Variants in LMAN2L observed in about 807,000 individuals in gnomAD.
LMAN2L encodes the protein VIP36-like protein.
LMAN2L carries 30 observed loss-of-function variants against 44.3 expected under a neutral mutation model. The ratio of observed to expected loss-of-function variants is 0.68; its 90% CI spans 0.51 to 0.92. The LOEUF is 0.92. Among genes scored for constraint, LMAN2L ranks in the 40% least tolerant of loss-of-function variants. The pLI is 0.00. For missense variants in LMAN2L, 429 were observed against 446.1 expected, an observed-to-expected ratio of 0.96 and a Z score of 0.35; for synonymous variants, 183 against 171.1, an observed-to-expected ratio of 1.07 and a Z score of -0.54.
chr2:96,735,464 G>GGGGCCTGAAA (rs756999897), intron 2 of LMAN2L, among the ~76,000 whole-genome samples: 7 of 152,318 alleles, frequency 4.6e-5, no homozygotes, highest in Non-Finnish European at 5.9e-5. Flanking sequence ...CATTGAGCAA[G>GGGGCCTGAAA]GGGCCTGAAA....
chr2:96,733,449 G>T (rs1433748126), intron 4 of LMAN2L, 70 bp downstream of exon 4: 46 of 1,170,518 alleles, frequency 3.9e-5, no homozygotes, highest in Non-Finnish European at 5.1e-5. Context: ...GTTCCCTCCT[G>T]TACAACATTC....
chr2:96,738,211 C>T, intron 1 of LMAN2L, 144 bp from the exon 2 acceptor site: 1 of 625,912 alleles, frequency 1.6e-6, no homozygotes, highest in East Asian at 2.8e-5. Context: ...AGTCATGAAT[C>T]TTACCATCTC....
chr2:96,729,614 T>G (rs2078350518), intron 4 of LMAN2L, among the ~76,000 whole-genome samples: 1 of 151,966 alleles, frequency 6.6e-6, no homozygotes, highest in South Asian at 2.1e-4. Flanking sequence ...GTTCAAGTGA[T>G]TCTCCTGCCT....
At chr2:96,708,798 T>C (rs2077844465) in intron 6 of LMAN2L, among the ~76,000 whole-genome samples, 1 of 152,082 alleles carries the variant, frequency 6.6e-6, no homozygotes, top group African/African-American at 2.4e-5. Context: ...TCCCTAATAA[T>C]TACCAGAGAG....
At chr2:96,715,876 A>G (rs914268712) in intron 4 of LMAN2L, among the ~76,000 whole-genome samples, 1 of 152,196 alleles carries the variant, frequency 6.6e-6, no homozygotes, top group African/African-American at 2.4e-5. Flanking sequence ...GGTGGATTAC[A>G]TCACCTCTTT....
chr2:96,726,997 T>C (rs1038265387), intron 4 of LMAN2L, among the ~76,000 whole-genome samples: 3 of 151,712 alleles, frequency 2.0e-5, no homozygotes, highest in Admixed American at 1.3e-4. Flanking sequence ...GGCAGGAGAA[T>C]TGCTTGAACC....
intron 4 of LMAN2L, among the ~76,000 whole-genome samples, chr2:96,723,967 C>T (rs1393986151): frequency 1.3e-5 from 2 of 151,456 alleles, no homozygotes; most frequent in African/African-American, 2.4e-5. Context: ...GGCGTGGTGG[C>T]AGGCACCTGT....
intron 4 of LMAN2L, among the ~76,000 whole-genome samples, chr2:96,716,315 G>A (rs928281200): frequency 6.6e-6 from 1 of 151,778 alleles, no homozygotes; most frequent in Non-Finnish European, 1.5e-5. Context: ...TGAAACAACT[G>A]AATACATTTA....
intron 4 of LMAN2L, among the ~76,000 whole-genome samples, chr2:96,716,558 C>T (rs901836210): frequency 3.9e-5 from 6 of 152,190 alleles, no homozygotes; most frequent in African/African-American, 1.4e-4. Context: ...TGCAAAATGT[C>T]CCTTAGGAAT....
At chr2:96,713,495 C>T (rs2077973081) in intron 4 of LMAN2L, among the ~76,000 whole-genome samples, 1 of 152,186 alleles carries the variant, frequency 6.6e-6, no homozygotes, top group Non-Finnish European at 1.5e-5. Flanking sequence ...TGTCCAGGCA[C>T]GCCGCACTTA....
chr2:96,735,255 T>C (rs1420930292), intron 2 of LMAN2L, among the ~76,000 whole-genome samples: 1 of 152,190 alleles, frequency 6.6e-6, no homozygotes, highest in African/African-American at 2.4e-5. Flanking sequence ...AAGCTTCTGG[T>C]TAAAAGTCTA....
In LMAN2L at chr2:96,731,548, A is replaced by C. The variant is rs183794661; in HGVS notation, c.507+1971T>G. On this transcript the variant is annotated intron_variant, in intron 4 of 7. Coordinates refer to ENST00000264963, the MANE Select transcript of LMAN2L (RefSeq NM_030805.4). ...ATAATCCCAGCTACTCAGGAGGCTG[A>C]GGCAGGAGAATGGCTTGAACCCAGG... 2.0e-5 allele frequency among the ~76,000 whole-genome samples: 3 copies of C among 152,218 alleles called. No individual in the cohort carries two copies. The East Asian group carries it at 5.8e-4, about 30-fold the overall frequency.
intron 4 of LMAN2L, among the ~76,000 whole-genome samples, chr2:96,713,434 G>C (rs769407877): frequency 6.6e-6 from 1 of 152,176 alleles, no homozygotes; most frequent in East Asian, 1.9e-4. Flanking sequence ...CTAACCCATA[G>C]AGGGTCCTGA....
rs1487963311 is a variant in LMAN2L at position 96,711,287 on chromosome 2, C to T, written c.784+369G>A. Among the ~76,000 whole-genome samples, 5 of 152,036 alleles carry T rather than the reference C, an allele frequency of 3.3e-5. No individual in the cohort carries two copies. In the South Asian group the frequency reaches 6.2e-4, roughly 19 times the overall value. On this transcript the variant is annotated intron_variant, in intron 6 of 7. Transcript: ENST00000264963. ...GGAGAGTCTGGGGTCAGAAGAGGGACGGCAAAGTCAAGGAAAAGCTTTGTT... is the reference window on the plus strand; with the variant it reads ...GGAGAGTCTGGGGTCAGAAGAGGGATGGCAAAGTCAAGGAAAAGCTTTGTT...
chr2:96,725,893 G>C (rs1479549540), intron 4 of LMAN2L, among the ~76,000 whole-genome samples: 1 of 151,860 alleles, frequency 6.6e-6, no homozygotes, highest in Non-Finnish European at 1.5e-5. Flanking sequence ...CCAGCACTTT[G>C]GGAGGCCGAG....
At chr2:96,722,172 G>A (rs983705269) in intron 4 of LMAN2L, among the ~76,000 whole-genome samples, 4 of 151,618 alleles carry the variant, frequency 2.6e-5, no homozygotes, top group Non-Finnish European at 4.4e-5. Context: ...GTTTCATCGT[G>A]TTAGCCAGAA....
intron 4 of LMAN2L, among the ~76,000 whole-genome samples, chr2:96,713,984 C>T (rs982857573): frequency 2.6e-5 from 4 of 152,250 alleles, no homozygotes; most frequent in African/African-American, 4.8e-5. Context: ...TCCTTTAATA[C>T]GGTGAACACC....
chr2:96,726,655 G>A (rs1181294519), intron 4 of LMAN2L, among the ~76,000 whole-genome samples: 1 of 151,840 alleles, frequency 6.6e-6, no homozygotes, highest in African/African-American at 2.4e-5. Flanking sequence ...GTGGTGGTGG[G>A]CGCCTGTAAT....
At chr2:96,714,175 C>G (rs766967780) in intron 4 of LMAN2L, among the ~76,000 whole-genome samples, 7 of 152,228 alleles carry the variant, frequency 4.6e-5, no homozygotes, top group Non-Finnish European at 8.8e-5. Context: ...GCAAGGGAAC[C>G]TCTCCCTGAG....
Sources: gnomAD v4.1 joint callset for allele counts (sites outside exome capture counted in the v4.1 genomes callset) on GRCh38, gnomAD v4.1.1 for gene constraint, MANE v1.5 for transcripts, NCBI Gene and HGNC (gene_info 2026-07-23, HGNC 2026-07-21) for gene names.